Variants in ACVR1B observed in about 807,000 individuals in gnomAD.
ACVR1B encodes activin A receptor type 1B.
In ACVR1B, 15 loss-of-function variants were observed where a neutral mutation model predicts 55.6. That is an observed-to-expected ratio of 0.27 (90% CI 0.18 to 0.42). ACVR1B has a LOEUF of 0.42. Ranked by LOEUF, ACVR1B falls within the 10% of genes least tolerant of loss-of-function variation. The pLI, the probability that ACVR1B is intolerant of heterozygous loss-of-function variation, is 1.00. For synonymous variants in ACVR1B, 247 were observed against 254.6 expected, an observed-to-expected ratio of 0.97 and a Z score of 0.28; for missense variants, 359 against 670.1, an observed-to-expected ratio of 0.54 and a Z score of 5.13.
intron 1 of ACVR1B, among the ~76,000 whole-genome samples, chr12:51,957,441 CAA>C (rs76826910): frequency 0.038 from 3,657 of 96,194 alleles, 158 homozygotes; most frequent in African/African-American, 0.12. Context: ...GAGACTCCGT[CAA>C]AAAAAAAAAA....
intron 1 of ACVR1B, among the ~76,000 whole-genome samples, chr12:51,965,042 C>T (rs139460363): frequency 1.3e-5 from 2 of 152,202 alleles, no homozygotes; most frequent in African/African-American, 2.4e-5. Context: ...TATTGACTCT[C>T]ATCTGATGTA....
At chr12:51,958,206 A>G (rs1036108957) in intron 1 of ACVR1B, among the ~76,000 whole-genome samples, 9 of 152,214 alleles carry the variant, frequency 5.9e-5, no homozygotes, top group African/African-American at 2.2e-4. Context: ...ATTTTAATAC[A>G]TGTAGTTAGA....
chr12:51,974,839 T>C (rs1941816516), intron 1 of ACVR1B, among the ~76,000 whole-genome samples: 1 of 152,122 alleles, frequency 6.6e-6, no homozygotes, highest in South Asian at 2.1e-4. Flanking sequence ...AGCAAAAGAA[T>C]GTGTGAGAGC....
chr12:51,981,084 T>C lies in ACVR1B; in HGVS notation c.696T>C (p.Ala232=). 1 of 1,614,200 alleles carries C rather than the reference T, an allele frequency of 6.2e-7. No homozygotes were observed. The highest frequency in any genetic ancestry group is 1.1e-5 in the South Asian group (1 of 91,086). The change falls in exon 4 of 9, where the codon GCT becomes GCC. Residue 232 remains alanine, a synonymous_variant. Coordinates refer to ENST00000257963, the MANE Select transcript of ACVR1B (RefSeq NM_004302.5). Reference sequence around the variant, plus strand: ...GCCGCTGGAGGGGTGGTGATGTGGCTGTGAAAATATTCTCTTCTCGTGAAG... The same window carrying C: ...GCCGCTGGAGGGGTGGTGATGTGGCCGTGAAAATATTCTCTTCTCGTGAAG... The part of the protein sequence containing the change: ...WRGRWRGGDV[A]VKIFSSREER...
At chr12:51,961,113 G>A (rs1254546152) in intron 1 of ACVR1B, among the ~76,000 whole-genome samples, 2 of 151,976 alleles carry the variant, frequency 1.3e-5, no homozygotes, top group African/African-American at 4.8e-5. Flanking sequence ...GTGTTCTCCC[G>A]GTCAGTGATT....
chr12:51,981,738 A>G (rs758206050), intron 4 of ACVR1B, among the ~76,000 whole-genome samples: 1 of 152,170 alleles, frequency 6.6e-6, no homozygotes, highest in Non-Finnish European at 1.5e-5. Context: ...AGGCTGAGGC[A>G]GGAGAATTGC....
rs1262801368 is a variant in ACVR1B at position 51,984,135 on chromosome 12, A to G, written c.948A>G (p.Ala316=). ...CCTTGTCTGCTGCTAGTGGGCTGGCACACCTGCACATGGAGATCGTGGGCA... is the reference window on the plus strand; with the variant it reads ...CCTTGTCTGCTGCTAGTGGGCTGGCGCACCTGCACATGGAGATCGTGGGCA... ...KLALSAASGL[A]HLHMEIVGTQ... Residue 316 remains alanine (A), a synonymous_variant, in exon 5 of 9, where the codon GCA becomes GCG. Coordinates refer to ENST00000257963, the MANE Select transcript of ACVR1B (RefSeq NM_004302.5). 6 of 1,614,224 alleles carry G rather than the reference A, an allele frequency of 3.7e-6. No homozygotes were observed. Among genetic ancestry groups the G allele is most frequent in the South Asian group, 1.1e-5 (1 of 91,084 alleles).
chr12:51,971,432 G>T (rs947759993), intron 1 of ACVR1B, among the ~76,000 whole-genome samples: 2 of 152,106 alleles, frequency 1.3e-5, no homozygotes, highest in Admixed American at 1.3e-4. Context: ...CTGTGATTTG[G>T]TTTTCCGAGT....
intron 5 of ACVR1B, among the ~76,000 whole-genome samples, chr12:51,984,383 C>A (rs961494842): frequency 4.6e-5 from 7 of 152,096 alleles, no homozygotes; most frequent in Admixed American, 2.0e-4. Context: ...CCTCAGGAAC[C>A]CTATAATATC....
At position 51,995,107 on chromosome 12, in the gene ACVR1B, A is replaced by G. The variant is rs2854464; in HGVS notation, c.*997A>G. On this transcript the variant is annotated 3_prime_UTR_variant, in exon 9 of 9. Coordinates refer to ENST00000257963, the MANE Select transcript of ACVR1B (RefSeq NM_004302.5). ...GAAGTCTTGGGTGTTAGTGTCAGCC[A>G]TGGGAAATGAGCCAGCCCAAGGGCA... 0.34 allele frequency: 51,584 copies of G among 152,986 alleles called. 9,546 individuals are homozygous for G. The highest frequency in any genetic ancestry group is 0.51 in the Admixed American group (7,744 of 15,294). The allele number at this position is 152,986 out of a possible 1,614,324, so 9.5% of individuals were successfully genotyped here.
At chr12:51,976,935 C>G (rs1941870460) in intron 3 of ACVR1B, among the ~76,000 whole-genome samples, 1 of 152,116 alleles carries the variant, frequency 6.6e-6, no homozygotes, top group South Asian at 2.1e-4. Flanking sequence ...GTGCCAGATT[C>G]CTGTGAGGTG....
At chr12:51,985,440 T>C (rs115938507) in intron 6 of ACVR1B, 92 bp downstream of exon 6, 30,257 of 1,450,702 alleles carry the variant, frequency 0.021, 365 homozygotes, top group Non-Finnish European at 0.024. Flanking sequence ...AAGGAGGTGT[T>C]GAAAAAGGAG....
At chr12:51,958,185 A>C (rs1351306925) in intron 1 of ACVR1B, among the ~76,000 whole-genome samples, 1 of 152,218 alleles carries the variant, frequency 6.6e-6, no homozygotes, top group Non-Finnish European at 1.5e-5. Context: ...GTAGAATTTC[A>C]CTAAACCAGA....
intron 7 of ACVR1B, 120 bp from the exon 8 acceptor site, chr12:51,991,743 T>C: frequency 8.9e-7 from 1 of 1,119,936 alleles, no homozygotes; most frequent in Non-Finnish European, 1.3e-6. Flanking sequence ...ATTAACTAAC[T>C]TTCTAAGGAA....
Position 51,984,057 on chromosome 12 carries a change from G to A in ACVR1B, c.870G>A (p.Leu290=). Reference sequence around the variant, plus strand: ...CTGACTATCATGAGCACGGGTCCCTGTTTGATTATCTGAACCGGTACACAG... The same window carrying A: ...CTGACTATCATGAGCACGGGTCCCTATTTGATTATCTGAACCGGTACACAG... The part of the protein sequence containing the change: ...LVSDYHEHGS[L]FDYLNRYTVT... The change falls in exon 5 of 9, where the codon CTG becomes CTA. Residue 290 remains leucine (L), a synonymous_variant. Coordinates refer to ENST00000257963, the MANE Select transcript of ACVR1B (RefSeq NM_004302.5). 1 of 1,614,208 alleles carries A rather than the reference G, an allele frequency of 6.2e-7. No individual in the cohort carries two copies. Among genetic ancestry groups the A allele is most frequent in the Non-Finnish European group, 8.5e-7 (1 of 1,180,042 alleles).
At chr12:51,971,860 C>T (rs1387154393) in intron 1 of ACVR1B, among the ~76,000 whole-genome samples, 1 of 152,166 alleles carries the variant, frequency 6.6e-6, no homozygotes, top group Non-Finnish European at 1.5e-5. Flanking sequence ...TCATATAGTT[C>T]AATCCCTTCT....
At chr12:51,988,844 G>A (rs1390433384) in intron 7 of ACVR1B, among the ~76,000 whole-genome samples, 1 of 152,122 alleles carries the variant, frequency 6.6e-6, no homozygotes, top group African/African-American at 2.4e-5. Context: ...CCCAGGCTGG[G>A]CACTGTGTCA....
In ACVR1B at chr12:51,951,733, C is replaced by A; in HGVS notation, c.-11C>A. 8.9e-7 allele frequency: 1 copy of A among 1,128,972 alleles called. No individual in the cohort carries two copies. Among genetic ancestry groups the A allele is most frequent in the Non-Finnish European group, 1.1e-6 (1 of 893,048 alleles). The allele number at this position is 1,128,972 out of a possible 1,614,324, so 69.9% of individuals were successfully genotyped here. On this transcript the variant is annotated 5_prime_UTR_variant, in exon 1 of 9. Transcript: ENST00000257963. ...TGGGCTGCGGCGGCGGCGGCGGCGG[C>A]GGTGGTTACTATGGCGGAGTCGGCC...
At chr12:51,991,720 T>G (rs994179814) in intron 7 of ACVR1B, 143 bp from the exon 8 acceptor site, 11 of 940,482 alleles carry the variant, frequency 1.2e-5, no homozygotes, top group Non-Finnish European at 1.7e-5. Context: ...GTATTTCTTG[T>G]TCCATACTTA....
Sources: allele counts gnomAD v4.1 joint callset (sites outside exome capture counted in the v4.1 genomes callset), GRCh38; gene constraint gnomAD v4.1.1; transcripts MANE v1.5; gene names NCBI Gene and HGNC (gene_info 2026-07-23, HGNC 2026-07-21).